ARHGAP26: variants seen among roughly 807,000 people sequenced by gnomAD.
The protein encoded by ARHGAP26 is Rho GTPase activating protein 26, also known as rho GTPase-activating protein 26.
Under a neutral mutation model 104.8 loss-of-function variants are expected in ARHGAP26, and 38 were observed. The ratio of observed to expected loss-of-function variants is 0.36; its 90% CI spans 0.28 to 0.48. The LOEUF (loss-of-function observed/expected upper bound fraction) is 0.48. ARHGAP26 is among the 20% of genes least tolerant of loss of function. The probability of loss-of-function intolerance (pLI) is 0.99; values close to 1 mark genes in which losing one functional copy is unlikely to be tolerated. For missense variants in ARHGAP26, 704 were observed against 947.9 expected (o/e 0.74, Z 3.38); for synonymous variants, 341 against 340.0 (o/e 1.00, Z -0.03).
At chr5:142,903,750 A>G (rs773353237) in intron 8 of ARHGAP26, 81 bp downstream of exon 8, 149 of 1,435,488 alleles carry the variant, frequency 1.0e-4, no homozygotes, top group Non-Finnish European at 1.1e-4. Flanking sequence ...AGCAGTGCCT[A>G]CCTTACTGTA....
Position 142,894,471 on chromosome 5 carries a change from T to C in ARHGAP26, c.597+123T>C, listed in dbSNP as rs1759181224. ...GTTGAGCAGCCCTGACACTGTCCCTTCTGTAAGTATCAGTGCTTTGCGAGC... is the reference window on the plus strand; with the variant it reads ...GTTGAGCAGCCCTGACACTGTCCCTCCTGTAAGTATCAGTGCTTTGCGAGC... On this transcript the variant is annotated intron_variant, in intron 6 of 22. Coordinates refer to ENST00000645722, the MANE Select transcript of ARHGAP26 (RefSeq NM_001135608.3). The C allele has an allele frequency of 5.9e-6, 5 of 841,244 alleles. No individual in the cohort carries two copies. The South Asian group carries it at 8.2e-5, about 14-fold the overall frequency. 52.1% of individuals were successfully genotyped at this position (841,244 alleles called of 1,614,324 possible).
chr5:142,856,826 A>G (rs1480880787), intron 1 of ARHGAP26, among the ~76,000 whole-genome samples: 1 of 152,188 alleles, frequency 6.6e-6, no homozygotes, highest in Non-Finnish European at 1.5e-5. Context: ...CAGATACTTG[A>G]GCATCCATGG....
chr5:143,168,536 C>T (rs376904217), intron 20 of ARHGAP26: 24 of 133,924 alleles, frequency 1.8e-4, no homozygotes, highest in African/African-American at 5.1e-4. Flanking sequence ...CAAGATCTTA[C>T]GACATTCTGC....
At position 142,882,405 on chromosome 5, in the gene ARHGAP26, C is replaced by T. The variant is rs188963142; in HGVS notation, c.385-2893C>T. Among the ~76,000 whole-genome samples the T allele has an allele frequency of 1.7e-4, 26 of 152,318 alleles. No individual in the cohort carries two copies. In the South Asian group the frequency reaches 5.0e-3, roughly 29 times the overall value. On this transcript the variant is annotated intron_variant, in intron 4 of 22. Coordinates refer to ENST00000645722, the MANE Select transcript of ARHGAP26 (RefSeq NM_001135608.3). ...GTGATTATATTAGATACACACAGTT[C>T]ATTTGTTTAAAAAATATGTGAGAGC...
chr5:142,941,687 A>G (rs1177973234), intron 11 of ARHGAP26, among the ~76,000 whole-genome samples: 1 of 152,198 alleles, frequency 6.6e-6, no homozygotes, highest in African/African-American at 2.4e-5. Flanking sequence ...CTCTTTGGTT[A>G]GATTATTCAG....
chr5:142,797,911 A>G (rs2151945600), intron 1 of ARHGAP26, among the ~76,000 whole-genome samples: 1 of 152,318 alleles, frequency 6.6e-6, no homozygotes, highest in Non-Finnish European at 1.5e-5. Flanking sequence ...CATTTCTTAC[A>G]AGCTCCAGTT....
intron 11 of ARHGAP26, among the ~76,000 whole-genome samples, chr5:143,008,050 C>G (rs1778235647): frequency 1.3e-5 from 2 of 151,996 alleles, no homozygotes; most frequent in Non-Finnish European, 2.9e-5. Context: ...TTTTTAAACA[C>G]AAAGTGGGAA....
At chr5:142,907,952 T>TC (rs5871829) in intron 9 of ARHGAP26, 148 bp downstream of exon 9, 163,478 of 407,590 alleles carry the variant, frequency 0.4, 42,268 homozygotes, top group East Asian at 0.9. Context: ...ATATAGTAGT[T>TC]CAGGAAGCCT....
chr5:142,977,853 A>G (rs528702056), intron 11 of ARHGAP26, among the ~76,000 whole-genome samples: 10 of 152,318 alleles, frequency 6.6e-5, no homozygotes, highest in South Asian at 2.1e-4. Flanking sequence ...GAGCTCTGGT[A>G]TCTTGTGTTT....
chr5:142,936,108 A>AACACACACACACACACAC (rs149919795), intron 11 of ARHGAP26, among the ~76,000 whole-genome samples: 75 of 139,836 alleles, frequency 5.4e-4, no homozygotes, highest in African/African-American at 1.5e-3. Context: ...AATCCCAAGG[A>AACACACACACACACACAC]ACACACACAC....
intron 11 of ARHGAP26, among the ~76,000 whole-genome samples, chr5:143,007,193 CGAAAAAAA>C (rs1212891658): frequency 6.1e-5 from 7 of 115,332 alleles, no homozygotes; most frequent in Admixed American, 4.8e-4. Context: ...ACTCTGTCTC[CGAAAAAAA>C]AAAAAAAAAA....
At chr5:142,790,178 A>G (rs1179646321) in intron 1 of ARHGAP26, among the ~76,000 whole-genome samples, 2 of 152,220 alleles carry the variant, frequency 1.3e-5, no homozygotes, top group Non-Finnish European at 2.9e-5. Flanking sequence ...GATAGTGTAA[A>G]GTACCATGAT....
At chr5:142,914,584 C>A in intron 10 of ARHGAP26, among the ~76,000 whole-genome samples, 1 of 152,266 alleles carries the variant, frequency 6.6e-6, no homozygotes, top group African/African-American at 2.4e-5. Flanking sequence ...TTGCTAATAG[C>A]TTATCCTGCG....
At chr5:143,056,126 G>T (rs757499814) in intron 16 of ARHGAP26, 40 bp downstream of exon 16, 88 of 1,545,426 alleles carry the variant, frequency 5.7e-5, no homozygotes, top group Non-Finnish European at 7.5e-5. Context: ...GAAGAGAATA[G>T]ATTTTTCTAT....
Position 143,227,650 on chromosome 5 carries a change from A to G in ARHGAP26, c.*5204A>G. On this transcript the variant is annotated 3_prime_UTR_variant, in exon 23 of 23. Coordinates refer to ENST00000645722, the MANE Select transcript of ARHGAP26 (RefSeq NM_001135608.3). ...TACCTGTCTAACTAAAGAGCTTCCC[A>G]AAGTGGAGGGAAAGGCCATAGAATC... 4.4e-6 allele frequency: 1 copy of G among 229,064 alleles called. No individual in the cohort carries two copies. The highest frequency in any genetic ancestry group is 6.2e-5 in the East Asian group (1 of 16,062). 14.2% of individuals were successfully genotyped at this position (229,064 alleles called of 1,614,324 possible).
chr5:143,109,154 G>GTAACTCACACC (rs113557943), intron 17 of ARHGAP26, among the ~76,000 whole-genome samples: 118,637 of 151,872 alleles, frequency 0.78, 49,369 homozygotes, highest in Non-Finnish European at 0.92. Context: ...TGGGTAGCAG[G>GTAACTCACACC]TAACTCGCAC....
chr5:143,043,279 TTTAA>T (rs2150160398), intron 14 of ARHGAP26, among the ~76,000 whole-genome samples: 1 of 152,334 alleles, frequency 6.6e-6, no homozygotes, highest in South Asian at 2.1e-4. Context: ...AAGATTATTA[TTTAA>T]ATGGAATTAT....
At chr5:143,189,298 T>C (rs1297510947) in intron 20 of ARHGAP26, among the ~76,000 whole-genome samples, 1 of 152,190 alleles carries the variant, frequency 6.6e-6, no homozygotes, top group Non-Finnish European at 1.5e-5. Context: ...ATCCTAAATG[T>C]TTAACCATAA....
intron 1 of ARHGAP26, among the ~76,000 whole-genome samples, chr5:142,817,548 G>T (rs781123107): frequency 6.6e-6 from 1 of 152,152 alleles, no homozygotes; most frequent in South Asian, 2.1e-4. Flanking sequence ...TGGCCTGTGG[G>T]TGGGATTGGG....
Sources: gnomAD v4.1 joint callset for allele counts (sites outside exome capture counted in the v4.1 genomes callset) on GRCh38, gnomAD v4.1.1 for gene constraint, MANE v1.5 for transcripts, NCBI Gene and HGNC (gene_info 2026-07-23, HGNC 2026-07-21) for gene names.